Variants in TYW1B observed in about 807,000 individuals in gnomAD.
TYW1B encodes the protein tRNA-yW synthesizing protein 1 homolog B.
A neutral mutation model predicts 86.9 loss-of-function variants in TYW1B; 73 were observed. That is an observed-to-expected ratio of 0.84 (90% confidence interval 0.70 to 1.02). The LOEUF is 1.02. Ranked by LOEUF, TYW1B falls within the 50% of genes least tolerant of loss-of-function variation. The pLI, the probability that TYW1B is intolerant of heterozygous loss-of-function variation, is 0.00. For synonymous variants in TYW1B, 248 were observed against 292.8 expected, an observed-to-expected ratio of 0.85 and a Z score of 1.56; for missense variants, 637 against 827.4, an observed-to-expected ratio of 0.77 and a Z score of 2.82.
intron 13 of TYW1B, among the ~76,000 whole-genome samples, chr7:72,607,415 G>GAAGAAGA (rs1215430786): frequency 8.2e-6 from 1 of 122,306 alleles, no homozygotes; most frequent in Non-Finnish European, 1.7e-5. Flanking sequence ...AAAAAGAAAA[G>GAAGAAGA]AAGAAGAAAG....
At chr7:72,713,550 A>G in intron 10 of TYW1B, 71 bp downstream of exon 10, 2 of 1,408,910 alleles carry the variant, frequency 1.4e-6, no homozygotes, top group Non-Finnish European at 1.9e-6. Context: ...GATTGCATTA[A>G]TGCCTATTAG....
intron 13 of TYW1B, among the ~76,000 whole-genome samples, chr7:72,583,431 G>A (rs1405615405): frequency 2.0e-5 from 3 of 152,258 alleles, no homozygotes; most frequent in South Asian, 4.1e-4. Context: ...TTAGAGATAC[G>A]GAGATAAATA....
Position 72,579,051 on chromosome 7 carries a change from ATTT to A in TYW1B, c.1786-3335_1786-3333del, listed in dbSNP as rs534611898. Among the ~76,000 whole-genome samples the A allele has an allele frequency of 1.5e-3, 219 of 147,114 alleles. 1 individual carries two copies. Among genetic ancestry groups the A allele is most frequent in the African/African-American group, 4.9e-3 (196 of 40,280 alleles). ...TGGTTTGAGCAATACAATGGACTTA[ATTT>A]TTTTTTTTTTAACCATACTTACAGT... On this transcript the variant is annotated intron_variant, in intron 13 of 13. Transcript: ENST00000620995.
chr7:72,591,805 T>C (rs1811401366), intron 13 of TYW1B, among the ~76,000 whole-genome samples: 1 of 152,050 alleles, frequency 6.6e-6, no homozygotes, highest in East Asian at 1.9e-4. Flanking sequence ...GTTTTGTAAC[T>C]CTATATATTT....
chr7:72,660,457 C>T (rs562993485), intron 11 of TYW1B, among the ~76,000 whole-genome samples: 7 of 152,240 alleles, frequency 4.6e-5, no homozygotes, highest in East Asian at 3.9e-4. Flanking sequence ...AAACAAGTCA[C>T]GCCAGATTTG....
Position 72,574,833 on chromosome 7 carries a change from C to T in TYW1B, c.*665G>A. 2 of 985,530 alleles carry T rather than the reference C, an allele frequency of 2.0e-6. No homozygotes were observed. The highest frequency in any genetic ancestry group is 2.4e-6 in the Non-Finnish European group (2 of 830,040). 61.0% of individuals were successfully genotyped at this position (985,530 alleles called of 1,614,324 possible). A position where few individuals can be genotyped will look rare whatever the true frequency, so the allele number is the denominator to read the frequency against. On this transcript the variant is annotated 3_prime_UTR_variant, in exon 14 of 14. Transcript: ENST00000620995. ...TCCTCTTACAGCAGACAGCTTCACTCCGCTCCAGCCCCGGTACTGCGGTCT... is the reference window on the plus strand; with the variant it reads ...TCCTCTTACAGCAGACAGCTTCACTTCGCTCCAGCCCCGGTACTGCGGTCT...
chr7:72,664,131 T>G (rs1409057248), intron 11 of TYW1B, among the ~76,000 whole-genome samples: 1 of 152,112 alleles, frequency 6.6e-6, no homozygotes. Context: ...CCTCCCAAGA[T>G]GACCATCTAT....
chr7:72,745,626 G>A (rs1367946501), intron 7 of TYW1B, among the ~76,000 whole-genome samples: 10 of 152,002 alleles, frequency 6.6e-5, no homozygotes, highest in African/African-American at 2.4e-4. Context: ...AGGAGGTTAT[G>A]TCAGACAGGT....
intron 11 of TYW1B, among the ~76,000 whole-genome samples, chr7:72,671,461 C>T (rs782202592): frequency 3.9e-5 from 6 of 152,132 alleles, no homozygotes; most frequent in South Asian, 2.1e-4. Flanking sequence ...TTTTTCTTCA[C>T]ATGAATGTAT....
intron 9 of TYW1B, among the ~76,000 whole-genome samples, chr7:72,718,628 T>C (rs1176945589): frequency 4.6e-5 from 7 of 152,140 alleles, no homozygotes; most frequent in African/African-American, 1.4e-4. Context: ...TTTGGATGGA[T>C]GAATAATTTT....
chr7:72,643,785 A>G (rs1554441740), intron 11 of TYW1B, among the ~76,000 whole-genome samples: 9 of 152,158 alleles, frequency 5.9e-5, no homozygotes, highest in Non-Finnish European at 1.3e-4. Flanking sequence ...ACTTAATAAA[A>G]TTGATAAACA....
intron 13 of TYW1B, among the ~76,000 whole-genome samples, chr7:72,602,186 C>T (rs1362839849): frequency 6.6e-6 from 1 of 152,038 alleles, no homozygotes; most frequent in African/African-American, 2.4e-5. Context: ...ATTTTGGAAA[C>T]GGGTGGAGTC....
rs527369175 is a variant in TYW1B, at chr7:72,810,551, A to G, written c.352T>C (p.Phe118Leu). The change falls in exon 4 of 14, where the codon TTT becomes CTT. Residue 118 changes from phenylalanine (F) to leucine (L), a missense_variant. By Grantham distance (22) the Phe-to-Leu change is conservative (BLOSUM62 0). Coordinates refer to ENST00000620995, the MANE Select transcript of TYW1B (RefSeq NM_001145440.3). The part of the protein sequence containing the change: ...WLEEASIDFR[F>L]GKTYLKGMRD... Reference sequence around the variant, plus strand: ...ATACCCTTCAGGTAAGTTTTGCCAAATCGAAAATCAATGGATGCTTCCTCT... The same window carrying G: ...ATACCCTTCAGGTAAGTTTTGCCAAGTCGAAAATCAATGGATGCTTCCTCT... 48 of 1,613,938 alleles carry G rather than the reference A, an allele frequency of 3.0e-5. No individual in the cohort carries two copies. The Admixed American group carries it at 5.3e-4, about 18-fold the overall frequency.
At chr7:72,642,909 A>C (rs1279347469) in intron 11 of TYW1B, among the ~76,000 whole-genome samples, 1 of 152,232 alleles carries the variant, frequency 6.6e-6, no homozygotes, top group Admixed American at 6.5e-5. Flanking sequence ...TCAAAAAAAA[A>C]GATGAAGTTC....
chr7:72,811,196 A>G (rs1329590925), intron 3 of TYW1B, among the ~76,000 whole-genome samples: 10 of 150,436 alleles, frequency 6.6e-5, no homozygotes, highest in East Asian at 3.9e-4. Context: ...GCGTGAACCC[A>G]GGAGGCAGAG....
intron 11 of TYW1B, among the ~76,000 whole-genome samples, chr7:72,662,642 G>A (rs1554444649): frequency 6.6e-6 from 1 of 152,186 alleles, no homozygotes; most frequent in Admixed American, 6.5e-5. Context: ...CCCCCAGTGT[G>A]TGGAAGGGAA....
intron 7 of TYW1B, among the ~76,000 whole-genome samples, chr7:72,755,289 C>T (rs553196345): frequency 2.6e-5 from 4 of 152,106 alleles, no homozygotes; most frequent in East Asian, 3.9e-4. Flanking sequence ...CATCGTGGTG[C>T]GCACCTATAG....
intron 2 of TYW1B, among the ~76,000 whole-genome samples, chr7:72,820,988 G>T (rs1420428287): frequency 6.6e-6 from 1 of 152,054 alleles, no homozygotes; most frequent in East Asian, 1.9e-4. Flanking sequence ...TGTTGTTGTT[G>T]TTGAGACAAG....
At chr7:72,681,939 G>A (rs34989935) in intron 11 of TYW1B, among the ~76,000 whole-genome samples, 4 of 149,832 alleles carry the variant, frequency 2.7e-5, no homozygotes, top group Admixed American at 6.7e-5. Context: ...GTGCAGTGAC[G>A]CAATCTCGGC....
Sources: gnomAD v4.1 joint callset for allele counts (sites outside exome capture counted in the v4.1 genomes callset) on GRCh38, gnomAD v4.1.1 for gene constraint, MANE v1.5 for transcripts, NCBI Gene and HGNC (gene_info 2026-07-23, HGNC 2026-07-21) for gene names.